Variants in C12orf56 observed in about 807,000 individuals in gnomAD.
C12orf56 encodes the protein chromosome 12 open reading frame 56, also known as uncharacterized protein C12orf56.
In C12orf56, 71 loss-of-function variants were observed where a neutral mutation model predicts 69.9. The observed-to-expected ratio is 1.02, with a 90% CI of 0.84 to 1.24. C12orf56 has a LOEUF of 1.24. C12orf56 is among the 50% of genes most tolerant of loss of function. C12orf56 has a pLI of 0.00. For missense variants in C12orf56, 732 were observed against 738.5 expected (o/e 0.99, Z 0.10); for synonymous variants, 276 against 274.1 (o/e 1.01, Z -0.07).
At chr12:64,369,482 G>T (rs1021469195) in intron 1 of C12orf56, among the ~76,000 whole-genome samples, 5 of 152,162 alleles carry the variant, frequency 3.3e-5, no homozygotes, top group African/African-American at 1.2e-4. Flanking sequence ...ACAGGCGAGA[G>T]CCACTGTGCC....
chr12:64,294,062 G>A (rs2038331798), intron 6 of C12orf56, among the ~76,000 whole-genome samples: 1 of 151,994 alleles, frequency 6.6e-6, no homozygotes, highest in Non-Finnish European at 1.5e-5. Flanking sequence ...TAGATGAATG[G>A]CCAATAAGCA....
At chr12:64,332,178 C>T (rs1325171555) in intron 2 of C12orf56, among the ~76,000 whole-genome samples, 2 of 151,688 alleles carry the variant, frequency 1.3e-5, no homozygotes, top group African/African-American at 4.8e-5. Context: ...GTAGGGTGGG[C>T]CTGTAGTCCC....
chr12:64,335,353 G>T (rs1230088582), intron 2 of C12orf56, among the ~76,000 whole-genome samples: 1 of 147,056 alleles, frequency 6.8e-6, no homozygotes, highest in South Asian at 2.1e-4. Context: ...GGAGGCAGAG[G>T]TTGCTATGAG....
At chr12:64,356,182 A>T (rs1028909050) in intron 1 of C12orf56, among the ~76,000 whole-genome samples, 1 of 151,324 alleles carries the variant, frequency 6.6e-6, no homozygotes, top group South Asian at 2.1e-4. Context: ...AAAAAAAAAA[A>T]AAAAAAAAAA....
chr12:64,312,603 A>G (rs1388177991), intron 5 of C12orf56, 76 bp downstream of exon 5: 3 of 1,075,200 alleles, frequency 2.8e-6, no homozygotes, highest in East Asian at 2.6e-5. Flanking sequence ...AGTGAGACTC[A>G]GTTTCAAAAA....
intron 2 of C12orf56, among the ~76,000 whole-genome samples, chr12:64,340,660 T>C (rs1230875572): frequency 1.3e-5 from 2 of 152,242 alleles, no homozygotes; most frequent in Non-Finnish European, 2.9e-5. Context: ...GATATTTTCT[T>C]AGTACAAGTG....
chr12:64,338,506 C>G, intron 2 of C12orf56: 1 of 1,076,246 alleles, frequency 9.3e-7, no homozygotes, highest in Non-Finnish European at 1.4e-6. Context: ...GCTCCAGCAA[C>G]TGGTACAAAC....
chr12:64,337,669 C>A (rs1354174373), intron 2 of C12orf56, among the ~76,000 whole-genome samples: 1 of 151,902 alleles, frequency 6.6e-6, no homozygotes, highest in African/African-American at 2.4e-5. Flanking sequence ...CCAGACTGGC[C>A]AACATGGCAA....
At chr12:64,282,167 A>G (rs2038137844) in intron 8 of C12orf56, among the ~76,000 whole-genome samples, 1 of 152,186 alleles carries the variant, frequency 6.6e-6, no homozygotes, top group Non-Finnish European at 1.5e-5. Context: ...ACCAGCCCCG[A>G]CAACAAAGTG....
At chr12:64,335,191 C>T (rs1258462645) in intron 2 of C12orf56, among the ~76,000 whole-genome samples, 3 of 151,946 alleles carry the variant, frequency 2.0e-5, no homozygotes, top group East Asian at 1.9e-4. Context: ...CCGAGGTGGG[C>T]GGATCACCTG....
At chr12:64,374,836 C>T (rs1249071613) in intron 1 of C12orf56, among the ~76,000 whole-genome samples, 1 of 151,706 alleles carries the variant, frequency 6.6e-6, no homozygotes, top group Non-Finnish European at 1.5e-5. Flanking sequence ...GAGCCACCAT[C>T]CCCAGTCTTT....
At chr12:64,373,458 TA>T (rs965328592) in intron 1 of C12orf56, among the ~76,000 whole-genome samples, 127 of 152,012 alleles carry the variant, frequency 8.4e-4, no homozygotes, top group African/African-American at 2.9e-3. Context: ...TGAAAAAAAA[TA>T]AAGAAAACAA....
At chr12:64,277,529 G>C in intron 9 of C12orf56, 151 bp downstream of exon 9, 1 of 422,832 alleles carries the variant, frequency 2.4e-6, no homozygotes, top group Non-Finnish European at 3.6e-6. Context: ...AGACTGACTA[G>C]TTATCTAAGT....
At position 64,275,018 on chromosome 12, in the gene C12orf56, C is replaced by T. The variant is rs913585485; in HGVS notation, c.1510-43G>A. ...ATAAACAAGTTATATTCATAAAGTT[C>T]AAGTAGTATATAAAAGGATACTCAT... On this transcript the variant is annotated intron_variant, in intron 10 of 12. Transcript: ENST00000543942. 9 of 1,489,122 alleles carry T rather than the reference C, an allele frequency of 6.0e-6. No homozygotes were observed. The East Asian group carries it at 9.1e-5, about 15-fold the overall frequency. The allele number at this position is 1,489,122 out of a possible 1,614,324, so 92.2% of individuals were successfully genotyped here.
At chr12:64,270,784 T>C in intron 11 of C12orf56, 70 bp from the exon 12 acceptor site, 2 of 1,341,530 alleles carry the variant, frequency 1.5e-6, no homozygotes, top group Non-Finnish European at 1.0e-6. Context: ...CAGCTGGAGC[T>C]TCAACTACAA....
intron 1 of C12orf56, among the ~76,000 whole-genome samples, chr12:64,356,170 C>CAAAAAAAAAAAA (rs761289428): frequency 8.3e-5 from 4 of 48,428 alleles, no homozygotes; most frequent in African/African-American, 3.8e-4. Context: ...GACTCCATCT[C>CAAAAAAAAAAAA]AAAAAAAAAA....
chr12:64,338,705 A>G (rs951785937), intron 2 of C12orf56: 1 of 1,542,928 alleles, frequency 6.5e-7, no homozygotes, highest in Non-Finnish European at 9.0e-7. Context: ...CTTTGCATCT[A>G]TTCCTTCTGC....
rs759202537 is a variant in C12orf56, at chr12:64,308,958, AG to A, written c.968+3720del. On this transcript the variant is annotated intron_variant, in intron 5 of 12. Coordinates refer to ENST00000543942, the MANE Select transcript of C12orf56 (RefSeq NM_001170633.2). The stretch of plus-strand genomic sequence containing the variant: ...AAAGAAAGAAGAAAGAAAGAAAGAA[AG>A]AAAGAAAGAAAGAAAAGAAAGAAAG... Among the ~76,000 whole-genome samples the A allele has an allele frequency of 4.6e-3, 532 of 116,898 alleles. 30 individuals are homozygous for A. Among genetic ancestry groups the A allele is most frequent in the Admixed American group, 0.044 (487 of 11,058 alleles). 76.7% of individuals were successfully genotyped at this position (116,898 alleles called of 152,430 possible).
At position 64,307,607 on chromosome 12, in the gene C12orf56, G is replaced by T. The variant is rs528741539; in HGVS notation, c.969-3828C>A. ...TGGTCTTGAACTCCTGACCTCAAAC[G>T]ATCTGCCCGCCTCAGCCTCCCAAAG... On this transcript the variant is annotated intron_variant, in intron 5 of 12. Transcript: ENST00000543942. Among the ~76,000 whole-genome samples the T allele has an allele frequency of 1.2e-3, 176 of 151,990 alleles. 2 individuals are homozygous for T. Among genetic ancestry groups the T allele is most frequent in the Non-Finnish European group, 2.8e-4 (19 of 67,956 alleles).
Sources: allele counts gnomAD v4.1 joint callset (sites outside exome capture counted in the v4.1 genomes callset), GRCh38; gene constraint gnomAD v4.1.1; transcripts MANE v1.5; gene names NCBI Gene and HGNC (gene_info 2026-07-23, HGNC 2026-07-21).